NFATC3: variants seen among roughly 807,000 people sequenced by gnomAD.
NFATC3 encodes nuclear factor of activated T cells 3, also known as nuclear factor of activated T-cells, cytoplasmic 3.
A neutral mutation model predicts 98.6 loss-of-function variants in NFATC3; 46 were observed. The observed-to-expected ratio is 0.47, with a 90% CI of 0.37 to 0.60. The LOEUF (loss-of-function observed/expected upper bound fraction) is 0.60, where lower values mean the gene tolerates loss of function less well. Among genes scored for constraint, NFATC3 ranks in the 20% least tolerant of loss-of-function variants. The pLI is 0.00. For synonymous variants in NFATC3, 512 were observed against 472.2 expected (o/e 1.08, Z -1.09); for missense variants, 1,256 against 1,295.5 (o/e 0.97, Z 0.47).
chr16:68,089,321 T>A, intron 1 of NFATC3: 2 of 969,592 alleles, frequency 2.1e-6, no homozygotes, highest in Non-Finnish European at 2.5e-6. Context: ...AATAATGTTG[T>A]ATGTTGTATA....
chr16:68,179,270 A>G (rs1160022207), intron 6 of NFATC3, among the ~76,000 whole-genome samples: 1 of 152,140 alleles, frequency 6.6e-6, no homozygotes, highest in Non-Finnish European at 1.5e-5. Flanking sequence ...TTTATTAATT[A>G]TTGTACCCAA....
At chr16:68,186,603 T>C (rs531222937) in intron 8 of NFATC3, among the ~76,000 whole-genome samples, 1 of 152,304 alleles carries the variant, frequency 6.6e-6, no homozygotes, top group South Asian at 2.1e-4. Flanking sequence ...ATTCTGAGAC[T>C]ATCATTCTGT....
In NFATC3 at chr16:68,190,755, ATTTTC is replaced by A. The variant is rs1243345712; in HGVS notation, c.2099-7_2099-3del. On this transcript the variant is annotated splice_region_variant and splice_polypyrimidine_tract_variant and intron_variant, in intron 8 of 9. Coordinates refer to ENST00000346183, the MANE Select transcript of NFATC3 (RefSeq NM_173165.3). The stretch of plus-strand genomic sequence containing the variant: ...TTGTATAATAATATTTGCTTTAATC[ATTTTC>A]TTTTCAGTTTTGATGAAGCAAGAAC... The A allele has an allele frequency of 6.9e-6, 11 of 1,582,918 alleles. No homozygotes were observed. The highest frequency in any genetic ancestry group is 8.6e-6 in the Non-Finnish European group (10 of 1,164,754).
Position 68,125,904 on chromosome 16 carries a change from A to G in NFATC3, c.1239-544A>G, listed in dbSNP as rs536295667. On this transcript the variant is annotated intron_variant, in intron 2 of 9. Coordinates refer to ENST00000346183, the MANE Select transcript of NFATC3 (RefSeq NM_173165.3). ...TTTATTTTATTTTATTATTATTATTATTTTTTGAGACAGAGTCTCGCTCTT... is the reference window on the plus strand; with the variant it reads ...TTTATTTTATTTTATTATTATTATTGTTTTTTGAGACAGAGTCTCGCTCTT... Among the ~76,000 whole-genome samples, 17 of 152,000 alleles carry G rather than the reference A, an allele frequency of 1.1e-4. No homozygotes were observed. The East Asian group carries it at 3.1e-3, about 28-fold the overall frequency.
chr16:68,107,323 T>C (rs905455433), intron 1 of NFATC3, among the ~76,000 whole-genome samples: 20 of 152,258 alleles, frequency 1.3e-4, no homozygotes, highest in African/African-American at 4.8e-4. Flanking sequence ...GAATAATTGC[T>C]ACACTGTCTT....
At chr16:68,093,763 G>A (rs1282812015) in intron 1 of NFATC3, among the ~76,000 whole-genome samples, 2 of 152,168 alleles carry the variant, frequency 1.3e-5, no homozygotes, top group Admixed American at 6.5e-5. Context: ...GAATTAGCTG[G>A]TATTTGAACT....
intron 1 of NFATC3, 102 bp downstream of exon 1, chr16:68,085,886 C>G: frequency 1.1e-6 from 1 of 900,248 alleles, no homozygotes; most frequent in Non-Finnish European, 1.6e-6. Flanking sequence ...ACCGATAACC[C>G]TGTGTGTGTG....
chr16:68,159,036 A>G (rs893581528), intron 4 of NFATC3, among the ~76,000 whole-genome samples: 1 of 152,232 alleles, frequency 6.6e-6, no homozygotes. Context: ...ATTTCAGACC[A>G]GCCTGAGCAA....
At chr16:68,141,639 T>C (rs2151541569) in intron 3 of NFATC3, among the ~76,000 whole-genome samples, 1 of 152,320 alleles carries the variant, frequency 6.6e-6, no homozygotes, top group South Asian at 2.1e-4. Flanking sequence ...TTCATGTCAT[T>C]TGCCTACTTT....
At chr16:68,188,238 C>A (rs2040292013) in intron 8 of NFATC3, among the ~76,000 whole-genome samples, 1 of 152,170 alleles carries the variant, frequency 6.6e-6, no homozygotes, top group Non-Finnish European at 1.5e-5. Context: ...GGGGGGCTTC[C>A]TGGGTCTCTC....
chr16:68,092,834 T>A (rs923682475), intron 1 of NFATC3, among the ~76,000 whole-genome samples: 10 of 152,220 alleles, frequency 6.6e-5, no homozygotes, highest in Non-Finnish European at 1.5e-4. Flanking sequence ...TGACTTAGCT[T>A]ATTGCTATCC....
At chr16:68,136,971 G>C (rs1252380008) in intron 3 of NFATC3, among the ~76,000 whole-genome samples, 2 of 152,154 alleles carry the variant, frequency 1.3e-5, no homozygotes, top group Non-Finnish European at 2.9e-5. Flanking sequence ...TGTAGGACTG[G>C]AAGTTGCTCT....
intron 4 of NFATC3, among the ~76,000 whole-genome samples, chr16:68,161,215 A>C (rs1245120375): frequency 6.6e-6 from 1 of 152,192 alleles, no homozygotes; most frequent in Non-Finnish European, 1.5e-5. Context: ...AGCATGTGAT[A>C]TGTGATTAGT....
intron 6 of NFATC3, among the ~76,000 whole-genome samples, chr16:68,177,339 A>G (rs2039765182): frequency 6.6e-6 from 1 of 152,234 alleles, no homozygotes; most frequent in African/African-American, 2.4e-5. Flanking sequence ...GCGTGAGCCT[A>G]TGTGCCCGCC....
Position 68,098,300 on chromosome 16 carries a change from A to AT in NFATC3, c.103+12535dup, listed in dbSNP as rs200355791. 9.4e-4 allele frequency among the ~76,000 whole-genome samples: 89 copies of AT among 94,308 alleles called. 2 individuals carry two copies. Among genetic ancestry groups the AT allele is most frequent in the Middle Eastern group, 8.8e-3 (1 of 114 alleles). The allele number at this position is 94,308 out of a possible 152,430, so 61.9% of individuals were successfully genotyped here. A position where few individuals can be genotyped will look rare whatever the true frequency, so the allele number is the denominator to read the frequency against. On this transcript the variant is annotated intron_variant, in intron 1 of 9. Coordinates refer to ENST00000346183, the MANE Select transcript of NFATC3 (RefSeq NM_173165.3). ...TATTATTATTATTATTATTATTATT[A>AT]TTTTTTTTTTTTTTTTTTTAGATGG...
chr16:68,090,271 A>C (rs1480379540), intron 1 of NFATC3, among the ~76,000 whole-genome samples: 1 of 148,750 alleles, frequency 6.7e-6, no homozygotes, highest in Non-Finnish European at 1.5e-5. Flanking sequence ...AAGTGGTGGT[A>C]ACTAAAATTT....
rs937094009 is a variant in NFATC3, at chr16:68,085,412, G to C, written c.-270G>C. On this transcript the variant is annotated 5_prime_UTR_variant, in exon 1 of 10. Coordinates refer to ENST00000346183, the MANE Select transcript of NFATC3 (RefSeq NM_173165.3). ...CCGCGGCGGCGGTGGCGGCGACTGT[G>C]GGGGGGCGGCGGGGAACATTGGCTA... 83 of 246,534 alleles carry C rather than the reference G, an allele frequency of 3.4e-4. No individual in the cohort carries two copies. The East Asian group carries it at 3.4e-3, about 10-fold the overall frequency. 15.3% of individuals were successfully genotyped at this position (246,534 alleles called of 1,614,324 possible).
At position 68,190,955 on chromosome 16, in the gene NFATC3, C is replaced by A. The variant is rs746813914; in HGVS notation, c.2286C>A (p.Ser762=). Residue 762 remains serine (S), a synonymous_variant, in exon 9 of 10, where the codon TCC becomes TCA. Coordinates refer to ENST00000346183, the MANE Select transcript of NFATC3 (RefSeq NM_173165.3). The part of the protein sequence containing the change: ...PQTYASMVTS[S]HLPQLQCRDE... ...CATATGCATCCATGGTGACCTCATCCCATCTGCCACAGTTGCAGTGTAGAG... is the reference window on the plus strand; with the variant it reads ...CATATGCATCCATGGTGACCTCATCACATCTGCCACAGTTGCAGTGTAGAG... 3 of 1,614,182 alleles carry A rather than the reference C, an allele frequency of 1.9e-6. No homozygotes were observed. Among genetic ancestry groups the A allele is most frequent in the Non-Finnish European group, 2.5e-6 (3 of 1,180,018 alleles).
chr16:68,151,537 T>C (rs1233765617), intron 3 of NFATC3, among the ~76,000 whole-genome samples: 1 of 152,192 alleles, frequency 6.6e-6, no homozygotes, highest in African/African-American at 2.4e-5. Flanking sequence ...ATTTTCCTTA[T>C]ACATGAATGT....
Sources: allele counts gnomAD v4.1 joint callset (sites outside exome capture counted in the v4.1 genomes callset), GRCh38; gene constraint gnomAD v4.1.1; transcripts MANE v1.5; gene names NCBI Gene and HGNC (gene_info 2026-07-23, HGNC 2026-07-21).